Variants in DNM3 observed in about 807,000 individuals in gnomAD.
DNM3 encodes the protein dynamin-3.
In DNM3, 47 loss-of-function variants were observed where a neutral mutation model predicts 101.6. That is an observed-to-expected ratio of 0.46 (90% CI 0.37 to 0.59). The LOEUF is 0.59. Ranked by LOEUF, DNM3 falls within the 20% of genes least tolerant of loss-of-function variation. The pLI, the probability that DNM3 is intolerant of heterozygous loss-of-function variation, is 0.00. For missense variants in DNM3, 849 were observed against 1,085.7 expected (o/e 0.78, Z 3.06); for synonymous variants, 385 against 387.9 (o/e 0.99, Z 0.09).
At chr1:171,958,736 T>C (rs1044652942) in intron 2 of DNM3, among the ~76,000 whole-genome samples, 3 of 152,150 alleles carry the variant, frequency 2.0e-5, no homozygotes, top group African/African-American at 7.2e-5. Flanking sequence ...CACTTGGCCT[T>C]GGTGATAGTG....
At position 172,244,868 on chromosome 1, in the gene DNM3, G is replaced by T. The variant is rs944423702; in HGVS notation, c.1660-8705G>T. ...TCCCATTACTGGGTATATACCCAAA[G>T]GACTATAAATCATGCTGCTATAAAG... On this transcript the variant is annotated intron_variant, in intron 14 of 20. Coordinates refer to ENST00000627582, the MANE Select transcript of DNM3 (RefSeq NM_015569.5). Among the ~76,000 whole-genome samples the T allele has an allele frequency of 3.3e-5, 5 of 152,146 alleles. No individual in the cohort carries two copies. In the South Asian group the frequency reaches 1.0e-3, roughly 32 times the overall value.
At position 172,016,875 on chromosome 1, in the gene DNM3, G is replaced by GA. The variant is rs948682194; in HGVS notation, c.590-15519dup. Among the ~76,000 whole-genome samples the GA allele has an allele frequency of 9.3e-5, 14 of 151,282 alleles. 1 individual carries two copies. The Middle Eastern group carries it at 0.01, about 111-fold the overall frequency. On this transcript the variant is annotated intron_variant, in intron 4 of 20. Transcript: ENST00000627582. Reference sequence around the variant, plus strand: ...TTAAATTTATTTTTAATTAATTATTGAAAAAAAACCATCTTAATCTGTCAC... The same window carrying GA: ...TTAAATTTATTTTTAATTAATTATTGAAAAAAAAACCATCTTAATCTGTCAC...
At position 172,174,600 on chromosome 1, in the gene DNM3, G is replaced by A. The variant is rs1001597705; in HGVS notation, c.1659+43312G>A. 2.0e-5 allele frequency among the ~76,000 whole-genome samples: 3 copies of A among 151,734 alleles called. No individual in the cohort carries two copies. The East Asian group carries it at 5.8e-4, about 30-fold the overall frequency. ...CAGTGTTAGAGTTGGTGTTGTGCTT[G>A]ATGTTTTCTCTTCTTACTCTTTAAT... On this transcript the variant is annotated intron_variant, in intron 14 of 20. Transcript: ENST00000627582.
rs201203382 is a variant in DNM3 at position 172,358,321 on chromosome 1, TCTA to T, written c.1894-20693_1894-20691del. Reference sequence around the variant, plus strand: ...GAAAGAACAATGCTAGCTTTTAAAATCTACTAAAGTAAAAGAAATAATTATTCC... The same window carrying T: ...GAAAGAACAATGCTAGCTTTTAAAATCTAAAGTAAAAGAAATAATTATTCC... On this transcript the variant is annotated intron_variant, in intron 17 of 20. Transcript: ENST00000627582. 7.9e-5 allele frequency among the ~76,000 whole-genome samples: 12 copies of T among 152,176 alleles called. No individual in the cohort carries two copies. In the East Asian group the frequency reaches 2.3e-3, roughly 30 times the overall value.
chr1:172,398,912 G>T (rs974658921), intron 20 of DNM3, among the ~76,000 whole-genome samples: 3 of 152,174 alleles, frequency 2.0e-5, no homozygotes, highest in Non-Finnish European at 4.4e-5. Flanking sequence ...TTGACTTCTT[G>T]TTGGCAAGAG....
At chr1:172,350,765 G>A (rs534133876) in intron 17 of DNM3, among the ~76,000 whole-genome samples, 1 of 152,080 alleles carries the variant, frequency 6.6e-6, no homozygotes, top group Non-Finnish European at 1.5e-5. Flanking sequence ...ATACATGGAG[G>A]CAGGCAGCTG....
intron 12 of DNM3, among the ~76,000 whole-genome samples, chr1:172,087,309 T>C (rs1005180306): frequency 1.3e-5 from 2 of 152,144 alleles, no homozygotes; most frequent in South Asian, 4.1e-4. Context: ...TTTTCCACCC[T>C]AGACCCCCTT....
chr1:172,116,468 C>G (rs752328819), intron 13 of DNM3, among the ~76,000 whole-genome samples: 2 of 152,158 alleles, frequency 1.3e-5, no homozygotes, highest in African/African-American at 4.8e-5. Flanking sequence ...ACATTTGGTG[C>G]GAATCCAAAG....
intron 2 of DNM3, among the ~76,000 whole-genome samples, chr1:171,938,822 T>C (rs1239301576): frequency 6.6e-6 from 1 of 152,192 alleles, no homozygotes; most frequent in Non-Finnish European, 1.5e-5. Flanking sequence ...AGCCTTGTTT[T>C]TGAGGGGAAA....
chr1:172,290,463 A>G (rs746693064), intron 15 of DNM3, among the ~76,000 whole-genome samples: 11 of 152,196 alleles, frequency 7.2e-5, no homozygotes, highest in Non-Finnish European at 8.8e-5. Context: ...AAAAAGGCCA[A>G]TGTGGCTGGA....
chr1:171,914,226 C>T (rs535736025), intron 1 of DNM3, among the ~76,000 whole-genome samples: 54 of 151,580 alleles, frequency 3.6e-4, no homozygotes, highest in African/African-American at 7.3e-4. Flanking sequence ...GATGCGATCG[C>T]GGCTCACCGC....
At chr1:172,194,291 A>C (rs1265148379) in intron 14 of DNM3, among the ~76,000 whole-genome samples, 1 of 152,098 alleles carries the variant, frequency 6.6e-6, no homozygotes. Context: ...CTATGTGGTC[A>C]ATTTTGGAAT....
chr1:172,087,677 C>T lies in DNM3; in HGVS notation c.1494-5147C>T, dbSNP rs116075193. ...CTATCTCCATAATATTTTTTGAATTCATCTATTTCTTTCTATCATCATTGC... is the reference window on the plus strand; with the variant it reads ...CTATCTCCATAATATTTTTTGAATTTATCTATTTCTTTCTATCATCATTGC... On this transcript the variant is annotated intron_variant, in intron 12 of 20. Transcript: ENST00000627582. Among the ~76,000 whole-genome samples, 1,078 of 152,172 alleles carry T rather than the reference C, an allele frequency of 7.1e-3. 18 individuals carry two copies. Among genetic ancestry groups the T allele is most frequent in the African/African-American group, 0.024 (1,016 of 41,508 alleles).
intron 12 of DNM3, 118 bp downstream of exon 12, chr1:172,082,020 C>A: frequency 9.5e-7 from 1 of 1,055,954 alleles, no homozygotes; most frequent in Non-Finnish European, 1.4e-6. Context: ...CCAGGATTAA[C>A]TCTCAGTGTG....
rs549525224 is a variant in DNM3, at chr1:172,344,133, A to G, written c.1893+20793A>G. Among the ~76,000 whole-genome samples the G allele has an allele frequency of 9.8e-5, 15 of 152,336 alleles. No individual in the cohort carries two copies. The South Asian group carries it at 3.1e-3, about 32-fold the overall frequency. On this transcript the variant is annotated intron_variant, in intron 17 of 20. Transcript: ENST00000627582. ...TTGAGCACTCAAGTTTGAAAAATCA[A>G]CAGCCCGGCCAGGCAAGATTCAGAG...
At chr1:172,416,198 G>C (rs1328853641), downstream of DNM3, among the ~76,000 whole-genome samples, 2 of 152,164 alleles carry the variant, frequency 1.3e-5, no homozygotes, top group African/African-American at 4.8e-5. Context: ...ATTTAGTACT[G>C]CAACTTTCAT....
intron 13 of DNM3, among the ~76,000 whole-genome samples, chr1:172,108,397 T>G (rs2055224424): frequency 6.6e-6 from 1 of 152,172 alleles, no homozygotes; most frequent in Non-Finnish European, 1.5e-5. Context: ...ACAGCAAGAT[T>G]GTGATTTAAT....
chr1:171,951,815 A>G lies in DNM3; in HGVS notation c.235+29994A>G, dbSNP rs185724069. 6.6e-4 allele frequency among the ~76,000 whole-genome samples: 100 copies of G among 152,334 alleles called. 1 individual carries two copies. The highest frequency in any genetic ancestry group is 2.3e-3 in the African/African-American group (95 of 41,580). On this transcript the variant is annotated intron_variant, in intron 2 of 20. Transcript: ENST00000627582. ...CTATAGCGCAGGAAACAGCCTCAAGAAGTCCTGAGAAAGTGAGCTTAAGTG... is the reference window on the plus strand; with the variant it reads ...CTATAGCGCAGGAAACAGCCTCAAGGAGTCCTGAGAAAGTGAGCTTAAGTG...
At chr1:172,278,983 A>G (rs1371883157) in intron 15 of DNM3, among the ~76,000 whole-genome samples, 3 of 152,136 alleles carry the variant, frequency 2.0e-5, no homozygotes, top group Admixed American at 2.0e-4. Context: ...GCTTATTTTC[A>G]CTAGCAAACT....
Sources: allele counts gnomAD v4.1 joint callset (sites outside exome capture counted in the v4.1 genomes callset), GRCh38; gene constraint gnomAD v4.1.1; transcripts MANE v1.5; gene names NCBI Gene and HGNC (gene_info 2026-07-23, HGNC 2026-07-21).